GPN3: variants seen among roughly 807,000 people sequenced by gnomAD.
GPN3 encodes GPN-loop GTPase 3, also known as ATP-binding domain 1 family member C.
GPN3 carries 31 observed loss-of-function variants against 38.7 expected under a neutral mutation model. That is an observed-to-expected ratio of 0.80 (90% CI 0.60 to 1.08). The LOEUF is 1.08. Among genes scored for constraint, GPN3 ranks in the 50% least tolerant of loss-of-function variants. The pLI is 0.00. For missense variants in GPN3, 301 were observed against 354.4 expected, an observed-to-expected ratio of 0.85 and a Z score of 1.21; for synonymous variants, 116 against 120.2, an observed-to-expected ratio of 0.96 and a Z score of 0.23.
chr12:110,465,340 A>G (rs2062620112), intron 1 of GPN3, 126 bp from the exon 2 acceptor site: 2 of 678,022 alleles, frequency 2.9e-6, no homozygotes, highest in Non-Finnish European at 5.5e-6. Context: ...ACTGACAACA[A>G]GGGAAAAAGA....
chr12:110,468,067 C>A, intron 1 of GPN3, 89 bp downstream of exon 1: 2 of 1,596,716 alleles, frequency 1.3e-6, no homozygotes, highest in South Asian at 1.1e-5. Context: ...GTTCCCAGTA[C>A]ACACACCCGC....
rs1438528990 is a variant in GPN3, at chr12:110,457,448, T to TCACA, written c.450+58_450+61dup. 6.2e-6 allele frequency: 8 copies of TCACA among 1,293,542 alleles called. No individual in the cohort carries two copies. The African/African-American group carries it at 1.6e-4, about 26-fold the overall frequency. The allele number at this position is 1,293,542 out of a possible 1,614,324, so 80.1% of individuals were successfully genotyped here. On this transcript the variant is annotated intron_variant, in intron 4 of 7. Transcript: ENST00000228827. Reference sequence around the variant, plus strand: ...GCCTAGGCAACAGAGTAAGACTCTGTCACACACACAAAAAAAAAAAAAAAA... The same window carrying TCACA: ...GCCTAGGCAACAGAGTAAGACTCTGTCACACACACACACAAAAAAAAAAAAAAAA...
chr12:110,458,437 A>T lies in GPN3; in HGVS notation c.326-803T>A, dbSNP rs2062565037. On this transcript the variant is annotated intron_variant, in intron 3 of 7. Coordinates refer to ENST00000228827, the MANE Select transcript of GPN3 (RefSeq NM_016301.4). The surrounding 1 kb of genome is among the most constrained non-coding windows in gnomAD (Gnocchi z 4.4). ...TGTATGGTCAATTAAAAGCAAGGGG[A>T]AAAAAGTGAGGGCCATAAATGGTCA... is the stretch of plus-strand genomic sequence containing the variant. 6.6e-6 allele frequency among the ~76,000 whole-genome samples: 1 copy of T among 152,170 alleles called. No individual in the cohort carries two copies. Among genetic ancestry groups the T allele is most frequent in the African/African-American group, 2.4e-5 (1 of 41,446 alleles).
upstream of GPN3, chr12:110,468,668 A>G (rs1338767054): frequency 1.4e-5 from 21 of 1,536,406 alleles, no homozygotes; most frequent in Non-Finnish European, 1.8e-5. Context: ...CACTGCTTCC[A>G]CAGAGAGGTG....
At chr12:110,453,428 A>T (rs1273204738) in intron 7 of GPN3, among the ~76,000 whole-genome samples, 1 of 152,218 alleles carries the variant, frequency 6.6e-6, no homozygotes, top group East Asian at 1.9e-4. Context: ...AAATAAAAAA[A>T]TGCTTAGCTG....
intron 1 of GPN3, among the ~76,000 whole-genome samples, chr12:110,466,268 G>T (rs920084322): frequency 6.6e-6 from 1 of 152,086 alleles, no homozygotes; most frequent in Non-Finnish European, 1.5e-5. Context: ...TTTTGTGTGT[G>T]CATGTTTTTT....
At chr12:110,468,412 C>T (rs2062653101), upstream of GPN3, 1 of 1,532,274 alleles carries the variant, frequency 6.5e-7, no homozygotes, top group Admixed American at 2.0e-5. Flanking sequence ...AGAGGATTTG[C>T]GCGTGCGCAA....
intron 2 of GPN3, chr12:110,461,270 G>A: frequency 1.5e-6 from 2 of 1,318,762 alleles, no homozygotes; most frequent in Non-Finnish European, 2.2e-6. Context: ...ACGTAATGAG[G>A]ATGAAGATTC....
chr12:110,468,092 A>C (rs771910880), intron 1 of GPN3, 64 bp downstream of exon 1: 1 of 1,613,352 alleles, frequency 6.2e-7, no homozygotes, highest in Non-Finnish European at 8.5e-7. Flanking sequence ...TCACTCCCTC[A>C]GGACCCAATC....
At chr12:110,461,134 T>A (rs2062585212) in intron 2 of GPN3, 3 of 1,319,952 alleles carry the variant, frequency 2.3e-6, no homozygotes, top group Non-Finnish European at 3.3e-6. Context: ...TCAAAGAGAT[T>A]CAGAAATTTG....
chr12:110,456,296 T>TC (rs1012684949), intron 4 of GPN3, among the ~76,000 whole-genome samples: 2 of 132,324 alleles, frequency 1.5e-5, no homozygotes, highest in African/African-American at 5.8e-5. Flanking sequence ...GCCACCACAT[T>TC]CCAGCCTGGG....
At chr12:110,455,760 G>C in intron 5 of GPN3, 55 bp downstream of exon 5, 2 of 1,066,600 alleles carry the variant, frequency 1.9e-6, no homozygotes, top group Non-Finnish European at 2.9e-6. Flanking sequence ...AAATAAAACA[G>C]AAGGTTCATC....
intron 3 of GPN3, 116 bp from the exon 4 acceptor site, chr12:110,457,750 G>T: frequency 1.6e-6 from 1 of 616,874 alleles, no homozygotes; most frequent in Non-Finnish European, 2.7e-6. Context: ...ACATTTTTAA[G>T]GGGCCCACAG....
At chr12:110,463,631 A>AAAAAAAAAAAAAAAAAT (rs1167928120) in intron 2 of GPN3, among the ~76,000 whole-genome samples, 1 of 147,958 alleles carries the variant, frequency 6.8e-6, no homozygotes, top group Non-Finnish European at 1.5e-5. Flanking sequence ...AAAAAAAAAA[A>AAAAAAAAAAAAAAAAAT]AAAAAAAAAG....
chr12:110,465,044 C>G, intron 2 of GPN3, 62 bp downstream of exon 2: 1 of 853,830 alleles, frequency 1.2e-6, no homozygotes, highest in East Asian at 2.4e-5. Context: ...GCAGCTAGTA[C>G]TCACTGCCTC....
chr12:110,467,388 T>A (rs2062640044), intron 1 of GPN3, among the ~76,000 whole-genome samples: 1 of 152,132 alleles, frequency 6.6e-6, no homozygotes, highest in African/African-American at 2.4e-5. Flanking sequence ...CAAGAAAAAA[T>A]TTTATCCCTA....
chr12:110,453,714 G>A (rs777124435), intron 7 of GPN3, 29 bp downstream of exon 7: 4 of 1,583,460 alleles, frequency 2.5e-6, no homozygotes, highest in Non-Finnish European at 3.5e-6. Flanking sequence ...TTTATCAAAA[G>A]CTAACAAACA....
In GPN3 at chr12:110,457,546, A is replaced by G; in HGVS notation, c.414T>C (p.Phe138=). The change falls in exon 4 of 8, where the codon TTT becomes TTC. Residue 138 remains phenylalanine, a synonymous_variant. Transcript: ENST00000228827. ...EQWEFRVCGV[F]LVDSQFMVES... The stretch of plus-strand genomic sequence containing the variant: ...CCACCATGAACTGAGAATCAACAAG[A>G]AAAACTCCACAGACTCGGAACTCCC... The G allele has an allele frequency of 1.2e-6, 2 of 1,612,326 alleles. No homozygotes were observed. Among genetic ancestry groups the G allele is most frequent in the Non-Finnish European group, 1.7e-6 (2 of 1,178,860 alleles).
At chr12:110,465,729 G>T (rs1285490097) in intron 1 of GPN3, among the ~76,000 whole-genome samples, 2 of 152,150 alleles carry the variant, frequency 1.3e-5, no homozygotes, top group Non-Finnish European at 2.9e-5. Flanking sequence ...CTATCAGTTT[G>T]TAACTTTTGG....
Sources: gnomAD v4.1 joint callset for allele counts (sites outside exome capture counted in the v4.1 genomes callset) on GRCh38, gnomAD v4.1.1 for gene constraint, Gnocchi (gnomAD v3.1) non-coding constraint, MANE v1.5 for transcripts, NCBI Gene and HGNC (gene_info 2026-07-23, HGNC 2026-07-21) for gene names.